Variants in ACOT9 observed in about 807,000 individuals in gnomAD.
ACOT9 encodes the protein acyl-coenzyme A thioesterase 9, mitochondrial.
Under a neutral mutation model 39.7 loss-of-function variants are expected in ACOT9, and 34 were observed. That is an observed-to-expected ratio of 0.86 (90% CI 0.65 to 1.14). ACOT9 has a LOEUF of 1.14. ACOT9 is among the 50% of genes most tolerant of loss of function. ACOT9 has a pLI of 0.00. For missense variants in ACOT9, 313 were observed against 344.1 expected, an observed-to-expected ratio of 0.91 and a Z score of 0.71; for synonymous variants, 110 against 120.5, an observed-to-expected ratio of 0.91 and a Z score of 0.57.
chrX:23,732,923 T>C (rs1929808710), intron 4 of ACOT9, among the ~76,000 whole-genome samples: 1 of 112,189 alleles, frequency 8.9e-6, no homozygotes, highest in African/African-American at 3.2e-5. Flanking sequence ...TGAGAATCAG[T>C]GAAGTAATAT....
At position 23,713,211 on chromosome X, in the gene ACOT9, G is replaced by A. The variant is rs1243379565; in HGVS notation, c.589-3C>T. The A allele has an allele frequency of 8.4e-7, 1 of 1,187,744 alleles. No homozygotes were observed. Among genetic ancestry groups the A allele is most frequent in the Non-Finnish European group, 1.1e-6 (1 of 875,806 alleles). ...GGACAAAATTCATCACCATGTAACTGAAGAACAAAGGAAAGAAAATGTACA... is the reference window on the plus strand; with the variant it reads ...GGACAAAATTCATCACCATGTAACTAAAGAACAAAGGAAAGAAAATGTACA... On this transcript the variant is annotated splice_polypyrimidine_tract_variant and splice_region_variant and intron_variant, in intron 8 of 15. Coordinates refer to ENST00000379303, the MANE Select transcript of ACOT9 (RefSeq NM_001037171.2).
At chrX:23,732,770 C>G (rs1334153054) in intron 4 of ACOT9, among the ~76,000 whole-genome samples, 1 of 110,936 alleles carries the variant, frequency 9.0e-6, no homozygotes, top group Non-Finnish European at 1.9e-5. Context: ...ATAAAGGAGT[C>G]AAGTTGCATG....
chrX:23,734,252 A>C, intron 3 of ACOT9, 89 bp downstream of exon 3: 1 of 788,842 alleles, frequency 1.3e-6, no homozygotes, highest in Non-Finnish European at 1.8e-6. Context: ...AATTTTAGTT[A>C]ATGCCACTGC....
At chrX:23,706,149 C>T (rs1781483511) in intron 11 of ACOT9, among the ~76,000 whole-genome samples, 1 of 110,196 alleles carries the variant, frequency 9.1e-6, no homozygotes, top group Non-Finnish European at 1.9e-5. Flanking sequence ...GCCTGTAATC[C>T]CAGCTACTTG....
In ACOT9 at chrX:23,730,890, A is replaced by AT. The variant is rs1397633494; in HGVS notation, c.287dup (p.Tyr96Ter). ...TGCCCAAAGGCAAGAGAACTTCAAT[A>AT]TAACTGTCCTTCATTCTCCTAGGAG... Reference protein sequence around the residue: ...GLPPRRMKDSYIEVLLPLGSE... With the variant: ...GLPPRRMKDS Residue 96 changes from tyrosine to a stop codon, truncating the protein, a stop_gained and frameshift_variant, in exon 5 of 16, where the codon TAT becomes TAAT. Transcript: ENST00000379303. LOFTEE classifies it high-confidence loss of function. The AT allele has an allele frequency of 8.3e-7, 1 of 1,209,427 alleles. No individual in the cohort carries two copies. The highest frequency in any genetic ancestry group is 1.1e-6 in the Non-Finnish European group (1 of 894,086).
At chrX:23,737,381 A>G (rs933622915) in intron 1 of ACOT9, among the ~76,000 whole-genome samples, 8 of 111,813 alleles carry the variant, frequency 7.2e-5, no homozygotes, top group Non-Finnish European at 1.3e-4. Context: ...CACTCATTCC[A>G]GTTCAATTTA....
intron 8 of ACOT9, among the ~76,000 whole-genome samples, chrX:23,721,548 T>C (rs111339443): frequency 1.6e-4 from 18 of 112,438 alleles, no homozygotes; most frequent in African/African-American, 5.5e-4. Context: ...ACAGCAGTCC[T>C]GGGAAATGAA....
chrX:23,742,213 T>TGAGTGAGAGAGA (rs1555941896), intron 1 of ACOT9, among the ~76,000 whole-genome samples: 16 of 68,878 alleles, frequency 2.3e-4, no homozygotes, highest in African/African-American at 6.0e-4. Flanking sequence ...AGTGAGTGAG[T>TGAGTGAGAGAGA]GAGAGAGAGA....
At chrX:23,734,474 G>T in intron 2 of ACOT9, 107 bp from the exon 3 acceptor site, 1 of 649,168 alleles carries the variant, frequency 1.5e-6, no homozygotes, top group Non-Finnish European at 2.3e-6. Context: ...GTTTTTCCTA[G>T]CACTTCAAAA....
At chrX:23,740,717 TACACACACACACACACACACACAC>T (rs67075682) in intron 1 of ACOT9, among the ~76,000 whole-genome samples, 3 of 91,957 alleles carry the variant, frequency 3.3e-5, no homozygotes, top group Non-Finnish European at 4.4e-5. Context: ...CCCCAATACA[TACACACACACACACACACACACAC>T]ACACACACAC....
At chrX:23,726,531 G>A (rs749827714) in intron 6 of ACOT9, among the ~76,000 whole-genome samples, 2 of 111,344 alleles carry the variant, frequency 1.8e-5, no homozygotes, top group Non-Finnish European at 3.8e-5. Context: ...ACAGCCGACC[G>A]GGAAATGTTT....
chrX:23,731,034 C>T (rs758778906), intron 4 of ACOT9, 48 bp from the exon 5 acceptor site: 2 of 1,109,824 alleles, frequency 1.8e-6, no homozygotes, highest in South Asian at 2.0e-5. Context: ...AGTTCTAGCC[C>T]ACAATTCCAG....
At chrX:23,742,733 C>T (rs1920990240) in intron 1 of ACOT9, among the ~76,000 whole-genome samples, 1 of 111,822 alleles carries the variant, frequency 8.9e-6, no homozygotes, top group African/African-American at 3.2e-5. Context: ...AAATGTTCTC[C>T]AAAGGAAGAT....
intron 9 of ACOT9, 47 bp downstream of exon 9, chrX:23,713,088 T>G (rs146371808): frequency 0.018 from 18,632 of 1,026,326 alleles, 151 homozygotes; most frequent in Middle Eastern, 0.023. Context: ...GTCTTATGTA[T>G]CTTTGAAATT....
intron 8 of ACOT9, among the ~76,000 whole-genome samples, chrX:23,719,581 G>A (rs1458895703): frequency 1.8e-5 from 2 of 110,746 alleles, no homozygotes; most frequent in Non-Finnish European, 3.8e-5. Flanking sequence ...GGGGGGGATG[G>A]TTTTGGGATG....
At chrX:23,729,027 A>G (rs904889230) in intron 6 of ACOT9, among the ~76,000 whole-genome samples, 43 of 108,782 alleles carry the variant, frequency 4.0e-4, no homozygotes, top group African/African-American at 1.4e-3. Context: ...TGATTTAAAA[A>G]TAATGAATTG....
chrX:23,722,496 G>A (rs62585953), intron 7 of ACOT9, among the ~76,000 whole-genome samples, 174 bp downstream of exon 7: 3,859 of 108,770 alleles, frequency 0.035, 74 homozygotes, highest in Non-Finnish European at 0.057. Flanking sequence ...CCTGGGAGGC[G>A]AAGGTTGCAG....
rs1368306705 is a variant in ACOT9, at chrX:23,704,734, C to T, written c.1218G>A (p.Ser406=). The T allele has an allele frequency of 2.9e-5, 35 of 1,211,251 alleles. No individual in the cohort carries two copies. Among genetic ancestry groups the T allele is most frequent in the Non-Finnish European group, 3.6e-5 (32 of 895,213 alleles). Residue 406 remains serine (S), a synonymous_variant, in exon 15 of 16, where the codon TCG becomes TCA. Transcript: ENST00000379303. ...TTNVFHFTFM[S]EKEVPLVFPK... ...GGAAAACCAATGGCACTTCTTTTTCCGACATGAACGTGAAATGAAAGACAT... is the reference window on the plus strand; with the variant it reads ...GGAAAACCAATGGCACTTCTTTTTCTGACATGAACGTGAAATGAAAGACAT...
Position 23,730,875 on chromosome X carries a change from C to T in ACOT9, c.303G>A (p.Leu101=), listed in dbSNP as rs1929713994. 8.3e-7 allele frequency: 1 copy of T among 1,211,034 alleles called. No individual in the cohort carries two copies. Residue 101 remains leucine (L), a synonymous_variant, in exon 5 of 16, where the codon TTG becomes TTA. Transcript: ENST00000379303. ...RMKDSYIEVL[L]PLGSEPELRE... is the part of the protein sequence containing the mutation. Reference sequence around the variant, plus strand: ...GTAATTCAGGCTCACTGCCCAAAGGCAAGAGAACTTCAATATAACTGTCCT... The same window carrying T: ...GTAATTCAGGCTCACTGCCCAAAGGTAAGAGAACTTCAATATAACTGTCCT...
Sources: gnomAD v4.1 joint callset for allele counts (sites outside exome capture counted in the v4.1 genomes callset) on GRCh38, gnomAD v4.1.1 for gene constraint, MANE v1.5 for transcripts, NCBI Gene and HGNC (gene_info 2026-07-23, HGNC 2026-07-21) for gene names.